The following IQSEC3 variants were observed in gnomAD, a reference collection of about 807,000 sequenced individuals.
The protein encoded by IQSEC3 is IQ motif and Sec7 domain ArfGEF 3, also known as IQ motif and SEC7 domain-containing protein 3.
In IQSEC3, 50 loss-of-function variants were observed where a neutral mutation model predicts 105.4. That is an observed-to-expected ratio of 0.47 (90% CI 0.38 to 0.60). IQSEC3 has a LOEUF of 0.60. Ranked by LOEUF, IQSEC3 falls within the 20% of genes least tolerant of loss-of-function variation. The pLI is 0.00. For synonymous variants in IQSEC3, 708 were observed against 746.0 expected (o/e 0.95, Z 0.83); for missense variants, 1,415 against 1,630.0 (o/e 0.87, Z 2.27).
intron 3 of IQSEC3, among the ~76,000 whole-genome samples, chr12:133,693 G>T (rs967168219): frequency 6.6e-6 from 1 of 151,902 alleles, no homozygotes; most frequent in Non-Finnish European, 1.5e-5. Flanking sequence ...GGGCAGGGTT[G>T]GGTCAGTATC....
In IQSEC3 at chr12:171,131, C is replaced by T; in HGVS notation, c.3084C>T (p.Leu1028=). 1 of 1,614,090 alleles carries T rather than the reference C, an allele frequency of 6.2e-7. No individual in the cohort carries two copies. Among genetic ancestry groups the T allele is most frequent in the Non-Finnish European group, 8.5e-7 (1 of 1,179,984 alleles). Residue 1028 remains leucine, a synonymous_variant, in exon 13 of 14, where the codon CTC becomes CTT. Transcript: ENST00000538872. ...GSPTAKREAA[L]RERPAESTVE... is the part of the protein sequence containing the mutation. Reference sequence around the variant, plus strand: ...TCAAAGCCAAAAGGGAAGCCGCGCTCAGGGAGAGGCCGGCGGAGAGCACGG... The same window carrying T: ...TCAAAGCCAAAAGGGAAGCCGCGCTTAGGGAGAGGCCGGCGGAGAGCACGG...
Position 174,723 on chromosome 12 carries a change from C to G in IQSEC3, c.3239C>G (p.Pro1080Arg). The G allele has an allele frequency of 6.3e-7, 1 of 1,592,708 alleles. No individual in the cohort carries two copies. Among genetic ancestry groups the G allele is most frequent in the Non-Finnish European group, 8.5e-7 (1 of 1,177,784 alleles). Reference protein sequence around the residue: ...SPPRQQTPPLPPPPPTPPGTL... With the variant: ...SPPRQQTPPLRPPPPTPPGTL... ...CCGAGACAGCAGACCCCACCACTGCCGCCGCCGCCACCCACGCCCCCGGGC... is the reference window on the plus strand; with the variant it reads ...CCGAGACAGCAGACCCCACCACTGCGGCCGCCGCCACCCACGCCCCCGGGC... The change falls in exon 14 of 14, where the codon CCG becomes CGG. Residue 1080 changes from proline (P) to arginine (R), a missense_variant. Coordinates refer to ENST00000538872, the MANE Select transcript of IQSEC3 (RefSeq NM_001170738.2).
chr12:113,745 T>C (rs1864965778), intron 2 of IQSEC3, among the ~76,000 whole-genome samples: 1 of 152,178 alleles, frequency 6.6e-6, no homozygotes, highest in African/African-American at 2.4e-5. Context: ...TACTCATGTT[T>C]ACTGATCACT....
intron 1 of IQSEC3, among the ~76,000 whole-genome samples, chr12:90,996 C>A (rs1864066555): frequency 6.6e-6 from 1 of 152,078 alleles, no homozygotes; most frequent in East Asian, 1.9e-4. Context: ...GGCAGGTGAC[C>A]AGAAGCAATT....
At chr12:130,254 A>G (rs1471525236) in intron 3 of IQSEC3, among the ~76,000 whole-genome samples, 2 of 152,246 alleles carry the variant, frequency 1.3e-5, no homozygotes, top group African/African-American at 4.8e-5. Flanking sequence ...CTACCTGAGC[A>G]CTAGCTCTGT....
At chr12:87,443 C>T (rs183716496) in intron 1 of IQSEC3, among the ~76,000 whole-genome samples, 3 of 152,262 alleles carry the variant, frequency 2.0e-5, no homozygotes, top group East Asian at 1.9e-4. Context: ...TGAAGTCAGA[C>T]GCTGAGAAGT....
chr12:98,572 C>A (rs1372147992), intron 1 of IQSEC3, among the ~76,000 whole-genome samples: 1 of 152,160 alleles, frequency 6.6e-6, no homozygotes, highest in Non-Finnish European at 1.5e-5. Context: ...GGACTAGAAC[C>A]CAGATCCCTG....
intron 2 of IQSEC3, 32 bp downstream of exon 2, chr12:99,246 T>C (rs782682136): frequency 3.2e-6 from 5 of 1,579,868 alleles, no homozygotes; most frequent in Non-Finnish European, 3.4e-6. Flanking sequence ...CCCTTCCGCA[T>C]CCCCACCTTC....
chr12:95,102 A>C (rs1349246781), intron 1 of IQSEC3, among the ~76,000 whole-genome samples: 1 of 152,126 alleles, frequency 6.6e-6, no homozygotes, highest in Non-Finnish European at 1.5e-5. Flanking sequence ...TGCCATCAAA[A>C]GATGTTTAGG....
At chr12:140,776 C>CTG (rs1294497883) in intron 4 of IQSEC3, 16 of 236,256 alleles carry the variant, frequency 6.8e-5, no homozygotes, top group African/African-American at 3.6e-4. Flanking sequence ...CACCCTCTCT[C>CTG]CAGGGTTGGG....
intron 1 of IQSEC3, among the ~76,000 whole-genome samples, chr12:92,321 C>A (rs1864113251): frequency 6.6e-6 from 1 of 152,192 alleles, no homozygotes; most frequent in Admixed American, 6.5e-5. Flanking sequence ...CATAGAGGTC[C>A]TTCCATTGCC....
At chr12:150,875 G>T (rs1866480298) in intron 5 of IQSEC3, among the ~76,000 whole-genome samples, 1 of 152,230 alleles carries the variant, frequency 6.6e-6, no homozygotes, top group African/African-American at 2.4e-5. Flanking sequence ...TCCTGAGGAT[G>T]ATTCAGTAGA....
Position 170,004 on chromosome 12 carries a change from G to C in IQSEC3, c.3064+899G>C, listed in dbSNP as rs116591320. Among the ~76,000 whole-genome samples the C allele has an allele frequency of 4.1e-3, 632 of 152,372 alleles. 6 individuals are homozygous for C. The highest frequency in any genetic ancestry group is 0.014 in the African/African-American group (596 of 41,584). ...GTGGGCCCCGTGTGGTCCATGACCC[G>C]CCACAGTCGGCCCTGAGTCCTGACT... is the stretch of plus-strand genomic sequence containing the variant. On this transcript the variant is annotated intron_variant, in intron 12 of 13. Coordinates refer to ENST00000538872, the MANE Select transcript of IQSEC3 (RefSeq NM_001170738.2).
At chr12:91,373 C>A (rs1039980446) in intron 1 of IQSEC3, among the ~76,000 whole-genome samples, 2 of 152,204 alleles carry the variant, frequency 1.3e-5, no homozygotes, top group Non-Finnish European at 2.9e-5. Context: ...GCTCTGGATG[C>A]GGCTTTCCTG....
At chr12:103,790 T>C in intron 2 of IQSEC3, among the ~76,000 whole-genome samples, 1 of 6,748 alleles carries the variant, frequency 1.5e-4, no homozygotes, top group Non-Finnish European at 2.7e-4. Context: ...GAGGCGGGGC[T>C]CAGGCAGGAG....
At chr12:136,165 T>A (rs889911064) in intron 3 of IQSEC3, among the ~76,000 whole-genome samples, 5 of 152,168 alleles carry the variant, frequency 3.3e-5, no homozygotes, top group Admixed American at 2.0e-4. Flanking sequence ...TAGGAAGGCT[T>A]AGTTGCCATT....
Position 138,279 on chromosome 12 carries a change from G to A in IQSEC3, c.916G>A (p.Glu306Lys), listed in dbSNP as rs782789914. 6.2e-7 allele frequency: 1 copy of A among 1,611,914 alleles called. No homozygotes were observed. Among genetic ancestry groups the A allele is most frequent in the South Asian group, 1.1e-5 (1 of 90,974 alleles). ...DLKNKQIEML[E>K]HKYGGHLVSR... ...CTCGTCCTTGCAGATTGAAATGCTA[G>A]AACATAAGTACGGCGGTCACCTGGT... Residue 306 changes from glutamate to lysine, a missense_variant, in exon 4 of 14, where the codon GAA (glutamate) becomes AAA (lysine). Glu to Lys is a moderately conservative substitution (Grantham distance 56). Coordinates refer to ENST00000538872, the MANE Select transcript of IQSEC3 (RefSeq NM_001170738.2). This position sits in a 1 kb window ranked among gnomAD's most constrained non-coding sequence, Gnocchi z 7.1.
chr12:119,558 A>T (rs922349426), intron 2 of IQSEC3, among the ~76,000 whole-genome samples: 2 of 152,140 alleles, frequency 1.3e-5, no homozygotes, highest in African/African-American at 4.8e-5. Flanking sequence ...TCCCAGGGGG[A>T]TTCAGTTCTT....
chr12:103,704 A>T (rs1478792694), intron 2 of IQSEC3, among the ~76,000 whole-genome samples: 1 of 1,940 alleles, frequency 5.2e-4, no homozygotes, highest in Non-Finnish European at 9.2e-4. Context: ...GGGGCTCAGG[A>T]GGGGAGGTGG....
Sources: gnomAD v4.1 joint callset for allele counts (sites outside exome capture counted in the v4.1 genomes callset) on GRCh38, gnomAD v4.1.1 for gene constraint, Gnocchi (gnomAD v3.1) non-coding constraint, MANE v1.5 for transcripts, NCBI Gene and HGNC (gene_info 2026-07-23, HGNC 2026-07-21) for gene names.